CELF2: variants seen among roughly 807,000 people sequenced by gnomAD.
CELF2 encodes the protein CUGBP Elav-like family member 2.
A neutral mutation model predicts 62.6 loss-of-function variants in CELF2; 8 were observed. The ratio of observed to expected loss-of-function variants is 0.13; its 90% CI spans 0.07 to 0.23. CELF2 has a LOEUF of 0.23. CELF2 is among the 10% of genes least tolerant of loss of function. The probability of loss-of-function intolerance (pLI) is 1.00; values close to 1 mark genes in which losing one functional copy is unlikely to be tolerated. For synonymous variants in CELF2, 258 were observed against 250.0 expected (o/e 1.03, Z -0.30); for missense variants, 333 against 671.0 (o/e 0.50, Z 5.56).
At chr10:10,585,062 A>T in the CELF2 span, among the ~76,000 whole-genome samples, 2 of 152,194 alleles carry the variant, frequency 1.3e-5, no homozygotes, top group South Asian at 2.1e-4. Flanking sequence ...CTTGGAGGTC[A>T]TCTAGTAAAA....
intron 1 of CELF2, among the ~76,000 whole-genome samples, chr10:11,107,864 A>C (rs12245735): frequency 0.45 from 30,874 of 68,204 alleles, 6,696 homozygotes; most frequent in East Asian, 0.86. Flanking sequence ...CATCCCTTCT[A>C]CCATCTCCTC....
At chr10:10,497,214 GA>G in the CELF2 span, among the ~76,000 whole-genome samples, 10 of 143,206 alleles carry the variant, frequency 7.0e-5, no homozygotes, top group East Asian at 1.2e-3. Context: ...AAGATAAAAA[GA>G]AAAAAAAAAT....
At chr10:10,556,234 C>T in the CELF2 span, among the ~76,000 whole-genome samples, 1 of 151,998 alleles carries the variant, frequency 6.6e-6, no homozygotes, top group African/African-American at 2.4e-5. Context: ...TTCCTGTGTC[C>T]ATGTGTTCTC....
chr10:10,696,842 A>C, the CELF2 span, among the ~76,000 whole-genome samples: 2,663 of 152,256 alleles, frequency 0.017, 42 homozygotes, highest in African/African-American at 0.043. Flanking sequence ...TGCTTCGGCT[A>C]GCGCACGGTG....
At chr10:10,594,055 C>T in the CELF2 span, among the ~76,000 whole-genome samples, 15 of 152,214 alleles carry the variant, frequency 9.9e-5, no homozygotes, top group East Asian at 5.8e-4. Flanking sequence ...GGAGCAGTTA[C>T]GATCCAGATA....
chr10:10,743,952 G>T, the CELF2 span, among the ~76,000 whole-genome samples: 3 of 152,126 alleles, frequency 2.0e-5, no homozygotes, highest in South Asian at 4.1e-4. Context: ...CCTGGATATG[G>T]TATATAAATG....
intron 3 of CELF2, among the ~76,000 whole-genome samples, chr10:11,240,910 C>T (rs761791374): frequency 5.9e-5 from 9 of 152,004 alleles, no homozygotes; most frequent in Non-Finnish European, 1.2e-4. Context: ...GGGTAGAGGC[C>T]TCAGGCTTGT....
the CELF2 span, among the ~76,000 whole-genome samples, chr10:10,570,405 C>G: frequency 1.3e-5 from 2 of 152,060 alleles, no homozygotes; most frequent in African/African-American, 4.8e-5. Flanking sequence ...TCCCAAGAAG[C>G]CAGCATCTAA....
the CELF2 span, among the ~76,000 whole-genome samples, chr10:10,765,733 C>G: frequency 0.014 from 2,162 of 152,290 alleles, 52 homozygotes; most frequent in African/African-American, 0.05. Context: ...CATGCTCAGC[C>G]AGCACCGTGG....
the CELF2 span, among the ~76,000 whole-genome samples, chr10:10,558,511 C>G: frequency 8.6e-5 from 13 of 151,890 alleles, no homozygotes; most frequent in East Asian, 2.1e-3. Context: ...TTTGTTGTGT[C>G]TCTGCCCGGC....
intron 1 of CELF2, chr10:11,071,608 C>A (rs1007660565): frequency 1.1e-4 from 16 of 152,174 alleles, no homozygotes; most frequent in Non-Finnish European, 1.5e-5. Flanking sequence ...TCTGTCAGTA[C>A]ACAGCCAATT....
At position 11,156,931 on chromosome 10, in the gene CELF2, G is replaced by A. The variant is rs559763966; in HGVS notation, c.75-8555G>A. ...GAAGACCGGAAGAGATGAACTTTAGGTGTGCTGAATTTGAGGTGGTGCCAG... is the reference window on the plus strand; with the variant it reads ...GAAGACCGGAAGAGATGAACTTTAGATGTGCTGAATTTGAGGTGGTGCCAG... On this transcript the variant is annotated intron_variant, in intron 1 of 12. Transcript: ENST00000633077. The surrounding 1 kb of genome is among the most constrained non-coding windows in gnomAD (Gnocchi z 4.3). 1.3e-5 allele frequency among the ~76,000 whole-genome samples: 2 copies of A among 152,144 alleles called. No homozygotes were observed. Among genetic ancestry groups the A allele is most frequent in the East Asian group, 3.9e-4 (2 of 5,192 alleles).
chr10:11,063,226 G>A (rs2067243165), intron 1 of CELF2, among the ~76,000 whole-genome samples: 2 of 152,180 alleles, frequency 1.3e-5, no homozygotes, highest in South Asian at 2.1e-4. Flanking sequence ...AACCAAACCT[G>A]CTGTATCCTC....
At chr10:11,088,322 T>G (rs893979467) in intron 1 of CELF2, among the ~76,000 whole-genome samples, 1 of 152,200 alleles carries the variant, frequency 6.6e-6, no homozygotes, top group Non-Finnish European at 1.5e-5. Context: ...TAGAGGGCAG[T>G]GACCAATCCA....
At chr10:10,678,311 G>A in the CELF2 span, among the ~76,000 whole-genome samples, 243 of 152,078 alleles carry the variant, frequency 1.6e-3, 1 homozygote, top group African/African-American at 5.2e-3. Flanking sequence ...TACTGTGACC[G>A]TATTACAGCA....
chr10:10,923,376 G>A (rs998241239), intron 2 of CELF2, among the ~76,000 whole-genome samples: 2 of 152,186 alleles, frequency 1.3e-5, no homozygotes, highest in African/African-American at 2.4e-5. Context: ...CATTTACACG[G>A]GTTGCATAAG....
At chr10:10,745,734 A>G in the CELF2 span, among the ~76,000 whole-genome samples, 1 of 152,292 alleles carries the variant, frequency 6.6e-6, no homozygotes, top group East Asian at 1.9e-4. Flanking sequence ...TAAAATGACC[A>G]TGGAAGCAGC....
rs148324279 is a variant in CELF2 at position 11,039,597 on chromosome 10, C to G, written c.74+21434C>G. Reference sequence around the variant, plus strand: ...TTGTAAGCTTTACACGCTTCTAATGCATGTTACTGAAAACAAGTTCTTGAG... The same window carrying G: ...TTGTAAGCTTTACACGCTTCTAATGGATGTTACTGAAAACAAGTTCTTGAG... On this transcript the variant is annotated intron_variant, in intron 1 of 12. Transcript: ENST00000633077. The surrounding 1 kb of genome is among the most constrained non-coding windows in gnomAD (Gnocchi z 4.1). Among the ~76,000 whole-genome samples, 714 of 152,230 alleles carry G rather than the reference C, an allele frequency of 4.7e-3. 6 individuals are homozygous for G. Among genetic ancestry groups the G allele is most frequent in the African/African-American group, 0.017 (699 of 41,530 alleles).
At chr10:10,874,610 G>A (rs1171450649) in intron 1 of CELF2, among the ~76,000 whole-genome samples, 1 of 152,122 alleles carries the variant, frequency 6.6e-6, no homozygotes, top group East Asian at 1.9e-4. Flanking sequence ...CAAATTGTTA[G>A]TGTGATTTGT....
Sources: allele counts gnomAD v4.1 joint callset (sites outside exome capture counted in the v4.1 genomes callset), GRCh38; gene constraint gnomAD v4.1.1; non-coding constraint Gnocchi (gnomAD v3.1); transcripts MANE v1.5; gene names NCBI Gene and HGNC (gene_info 2026-07-23, HGNC 2026-07-21).